The following ADRA1A variants were observed in gnomAD, a reference collection of about 807,000 sequenced individuals.
ADRA1A encodes the protein alpha-1A adrenergic receptor.
In ADRA1A, 31 loss-of-function variants were observed where a neutral mutation model predicts 29.6. That is an observed-to-expected ratio of 1.05 (90% CI 0.79 to 1.41). The LOEUF (loss-of-function observed/expected upper bound fraction) is 1.41, where lower values mean the gene tolerates loss of function less well. ADRA1A is among the 40% of genes most tolerant of loss of function. The pLI is 0.00. For synonymous variants in ADRA1A, 311 were observed against 254.3 expected (o/e 1.22, Z -2.12); for missense variants, 619 against 601.1 (o/e 1.03, Z -0.31).
chr8:26,807,099 G>T (rs1371171238), intron 2 of ADRA1A, among the ~76,000 whole-genome samples: 1 of 152,228 alleles, frequency 6.6e-6, no homozygotes, highest in African/African-American at 2.4e-5. Flanking sequence ...AAGAAGCCTT[G>T]TAATACTTTT....
chr8:26,843,800 G>A (rs530725367), intron 2 of ADRA1A, among the ~76,000 whole-genome samples: 1 of 152,290 alleles, frequency 6.6e-6, no homozygotes, highest in African/African-American at 2.4e-5. Flanking sequence ...ACTGATTCAA[G>A]TGCAATATTT....
chr8:26,773,463 A>T (rs1002322670), intron 2 of ADRA1A, among the ~76,000 whole-genome samples: 8 of 152,146 alleles, frequency 5.3e-5, no homozygotes, highest in Non-Finnish European at 4.4e-5. Context: ...GATTAAGGAA[A>T]CCCATTTCAC....
At chr8:26,795,657 A>G (rs1378480102) in intron 2 of ADRA1A, among the ~76,000 whole-genome samples, 1 of 152,138 alleles carries the variant, frequency 6.6e-6, no homozygotes, top group African/African-American at 2.4e-5. Context: ...ACAATAAAAC[A>G]TTTTTTACCT....
intron 2 of ADRA1A, among the ~76,000 whole-genome samples, chr8:26,797,471 AT>A (rs1311561228): frequency 6.6e-6 from 1 of 151,150 alleles, no homozygotes; most frequent in Non-Finnish European, 1.5e-5. Context: ...TAATTTTTTG[AT>A]TTTTTTTGTG....
downstream of ADRA1A, among the ~76,000 whole-genome samples, chr8:26,765,094 T>C (rs1805703423): frequency 6.6e-6 from 1 of 152,224 alleles, no homozygotes; most frequent in African/African-American, 2.4e-5. Flanking sequence ...CAGCAAGCCA[T>C]GACTCAACCA....
In ADRA1A at chr8:26,866,912, G is replaced by C; in HGVS notation, c.-687+24C>G. On this transcript the variant is annotated intron_variant, in intron 1 of 2. Coordinates refer to ENST00000380573, the MANE Select transcript of ADRA1A (RefSeq NM_000680.4). This position sits in a 1 kb window ranked among gnomAD's most constrained non-coding sequence, Gnocchi z 5.7. ...CTGCCCTCACCCACTCGGCCCTGCG[G>C]GACGCCGGCCCCGGCGCACTCACCT... 5 of 985,426 alleles carry C rather than the reference G, an allele frequency of 5.1e-6. No individual in the cohort carries two copies. The highest frequency in any genetic ancestry group is 6.0e-6 in the Non-Finnish European group (5 of 829,972). The allele number at this position is 985,426 out of a possible 1,614,324, so 61.0% of individuals were successfully genotyped here.
chr8:26,765,385 C>T (rs1176552146), downstream of ADRA1A, among the ~76,000 whole-genome samples: 1 of 152,220 alleles, frequency 6.6e-6, no homozygotes. Context: ...CAGTGATCAT[C>T]TCCACTCATT....
At chr8:26,830,424 A>C (rs896744955) in intron 2 of ADRA1A, among the ~76,000 whole-genome samples, 10 of 152,196 alleles carry the variant, frequency 6.6e-5, no homozygotes, top group Admixed American at 1.3e-4. Flanking sequence ...TCCCAAATGT[A>C]CTAATCAAGA....
At chr8:26,816,618 G>A (rs912388058) in intron 2 of ADRA1A, among the ~76,000 whole-genome samples, 2 of 151,818 alleles carry the variant, frequency 1.3e-5, no homozygotes, top group African/African-American at 4.8e-5. Flanking sequence ...AACACACTGA[G>A]GCAGCCTGCA....
chr8:26,864,875 A>T lies in ADRA1A; in HGVS notation c.95T>A (p.Ile32Asn). The T allele has an allele frequency of 2.5e-6, 4 of 1,613,924 alleles. No homozygotes were observed. Among genetic ancestry groups the T allele is most frequent in the Non-Finnish European group, 3.4e-6 (4 of 1,179,998 alleles). Residue 32 changes from isoleucine to asparagine, a missense_variant, in exon 2 of 3, where the codon ATC becomes AAC. Ile to Asn is a moderately radical substitution (Grantham distance 149). Transcript: ENST00000380573. The surrounding 1 kb of genome is among the most constrained non-coding windows in gnomAD (Gnocchi z 8.1). ...CCCGAAAAGAATGAGGCCCCCCAAG[A>T]TCACCCCGAGCAGAATGGCCTTGGA... is the stretch of plus-strand genomic sequence containing the variant. ...NISKAILLGV[I>N]LGGLILFGVL...
chr8:26,803,914 G>GT (rs1448480218), intron 2 of ADRA1A, among the ~76,000 whole-genome samples: 1 of 121,358 alleles, frequency 8.2e-6, no homozygotes, highest in East Asian at 2.9e-4. Flanking sequence ...TATTTTGGAA[G>GT]TTTCCTTTTT....
chr8:26,791,403 G>A (rs1807821985), intron 2 of ADRA1A, among the ~76,000 whole-genome samples: 1 of 152,076 alleles, frequency 6.6e-6, no homozygotes, highest in Admixed American at 6.6e-5. Context: ...TCTCTGGAGA[G>A]GCTATACCTA....
chr8:26,811,532 C>T (rs1563271296), intron 2 of ADRA1A, among the ~76,000 whole-genome samples: 2 of 152,208 alleles, frequency 1.3e-5, no homozygotes, highest in African/African-American at 4.8e-5. Context: ...GTATTTACAC[C>T]AATCTCTCCT....
intron 2 of ADRA1A, among the ~76,000 whole-genome samples, chr8:26,804,877 A>G (rs1808853195): frequency 6.6e-6 from 1 of 152,234 alleles, no homozygotes. Flanking sequence ...TGTTATTAAT[A>G]GCTAGAGATA....
intron 2 of ADRA1A, among the ~76,000 whole-genome samples, chr8:26,857,109 C>A (rs1563312987): frequency 6.6e-6 from 1 of 152,080 alleles, no homozygotes; most frequent in Non-Finnish European, 1.5e-5. Context: ...TGATGCTGGA[C>A]CAGGTGTGAG....
At chr8:26,856,330 T>A (rs1169726328) in intron 2 of ADRA1A, among the ~76,000 whole-genome samples, 5 of 152,184 alleles carry the variant, frequency 3.3e-5, no homozygotes, top group Non-Finnish European at 7.3e-5. Context: ...TGCATAAAGG[T>A]CTCCCAACTG....
downstream of ADRA1A, among the ~76,000 whole-genome samples, chr8:26,754,497 C>T (rs1480816946): frequency 2.6e-5 from 4 of 151,972 alleles, no homozygotes; most frequent in Non-Finnish European, 5.9e-5. Flanking sequence ...TCTTATTTGT[C>T]ACAACAATTG....
intron 2 of ADRA1A, among the ~76,000 whole-genome samples, chr8:26,792,682 G>A (rs1047550182): frequency 1.4e-5 from 2 of 147,506 alleles, no homozygotes; most frequent in Non-Finnish European, 3.0e-5. Context: ...ATGAATTAAT[G>A]TAGACAGGAA....
chr8:26,751,323 C>T (rs985707924), intron 2 of ADRA1A, among the ~76,000 whole-genome samples: 1 of 152,076 alleles, frequency 6.6e-6, no homozygotes, highest in African/African-American at 2.4e-5. Flanking sequence ...TTTCCTCCAC[C>T]TACACAACAG....
Sources: gnomAD v4.1 joint callset for allele counts (sites outside exome capture counted in the v4.1 genomes callset) on GRCh38, gnomAD v4.1.1 for gene constraint, Gnocchi (gnomAD v3.1) non-coding constraint, MANE v1.5 for transcripts, NCBI Gene and HGNC (gene_info 2026-07-23, HGNC 2026-07-21) for gene names.